MYCBPAP: variants seen among roughly 807,000 people sequenced by gnomAD.
MYCBPAP encodes the protein MYCBP-associated protein.
In MYCBPAP, 60 loss-of-function variants were observed where a neutral mutation model predicts 106.1. The ratio of observed to expected loss-of-function variants is 0.57; its 90% CI spans 0.46 to 0.70. MYCBPAP has a LOEUF of 0.70. MYCBPAP is among the 30% of genes least tolerant of loss of function. The probability of loss-of-function intolerance (pLI) is 0.00; values close to 1 mark genes in which losing one functional copy is unlikely to be tolerated. For missense variants in MYCBPAP, 1,064 were observed against 1,169.3 expected (o/e 0.91, Z 1.31); for synonymous variants, 407 against 440.6 (o/e 0.92, Z 0.95).
chr17:50,526,615 CT>C (rs1209396139), intron 14 of MYCBPAP, among the ~76,000 whole-genome samples: 1 of 151,240 alleles, frequency 6.6e-6, no homozygotes, highest in Non-Finnish European at 1.5e-5. Context: ...TGGAATCTTG[CT>C]GTGTTGCCCA....
Position 50,531,383 on chromosome 17 carries a change from C to T in MYCBPAP, c.2781C>T (p.Leu927=). The change falls in exon 19 of 19, where the codon CTC becomes CTT. Residue 927 remains leucine (L), a synonymous_variant. Coordinates refer to ENST00000323776, the MANE Select transcript of MYCBPAP (RefSeq NM_032133.6). ...ACCTGATGGTCCTGGCTGATGAGCT[C>T]AGCCCCATAAAGAATGTCGAGGAGG... The part of the protein sequence containing the change: ...VTDLMVLADE[L]SPIKNVEEAL... 1 of 1,613,736 alleles carries T rather than the reference C, an allele frequency of 6.2e-7. No individual in the cohort carries two copies. Among genetic ancestry groups the T allele is most frequent in the South Asian group, 1.1e-5 (1 of 90,914 alleles).
intron 18 of MYCBPAP, 71 bp downstream of exon 18, chr17:50,529,259 C>A (rs771952355): frequency 7.8e-6 from 11 of 1,404,910 alleles, no homozygotes; most frequent in Non-Finnish European, 1.1e-5. Context: ...AGTCTGCAGA[C>A]AATAAGTGCC....
intron 1 of MYCBPAP, among the ~76,000 whole-genome samples, chr17:50,515,423 G>A (rs1364020644): frequency 1.3e-5 from 2 of 152,062 alleles, no homozygotes; most frequent in Admixed American, 6.5e-5. Context: ...GCAATAAATG[G>A]CCAGTGGTGA....
chr17:50,508,708 A>G lies in MYCBPAP; in HGVS notation c.34A>G (p.Ile12Val), dbSNP rs1441567949. The change falls in exon 1 of 19, where the codon ATA (isoleucine) becomes GTA (valine). Residue 12 changes from isoleucine (I) to valine (V), a missense_variant. Coordinates refer to ENST00000323776, the MANE Select transcript of MYCBPAP (RefSeq NM_032133.6). ...KSLKKDSRLR[I>V]TPTRLLEASE... Reference sequence around the variant, plus strand: ...TCTAAAGAAGGATTCCCGCCTCAGAATAACTCCGACCAGATTATTAGAGGC... The same window carrying G: ...TCTAAAGAAGGATTCCCGCCTCAGAGTAACTCCGACCAGATTATTAGAGGC... 3.1e-6 allele frequency: 5 copies of G among 1,612,004 alleles called. No homozygotes were observed. Among genetic ancestry groups the G allele is most frequent in the Middle Eastern group, 3.3e-4 (2 of 6,054 alleles).
chr17:50,524,847 T>A lies in MYCBPAP; in HGVS notation c.1636-30T>A, dbSNP rs773250129. ...ATGCATTGGTTTTGATAGCCTGGGCTGCCATCCTCTGCCACCTTCCCTTTT... is the reference window on the plus strand; with the variant it reads ...ATGCATTGGTTTTGATAGCCTGGGCAGCCATCCTCTGCCACCTTCCCTTTT... On this transcript the variant is annotated intron_variant, in intron 12 of 18. Coordinates refer to ENST00000323776, the MANE Select transcript of MYCBPAP (RefSeq NM_032133.6). 1.7e-5 allele frequency: 28 copies of A among 1,607,366 alleles called. 1 individual carries two copies. The Admixed American group carries it at 4.5e-4, about 26-fold the overall frequency.
chr17:50,525,672 G>T lies in MYCBPAP; in HGVS notation c.1783-209G>T, dbSNP rs1256247925. 3.4e-5 allele frequency among the ~76,000 whole-genome samples: 1 copy of T among 29,762 alleles called. No homozygotes were observed. Among genetic ancestry groups the T allele is most frequent in the Non-Finnish European group, 7.2e-5 (1 of 13,908 alleles). 19.5% of individuals were successfully genotyped at this position (29,762 alleles called of 152,430 possible). On this transcript the variant is annotated intron_variant, in intron 13 of 18. Transcript: ENST00000323776. ...CAGCTAATTTCTCTTTTTTTTTTTG[G>T]TAGAGATAGGATCACTCTATGTCAT... is the stretch of plus-strand genomic sequence containing the variant.
chr17:50,522,130 C>T, intron 10 of MYCBPAP, 49 bp downstream of exon 10: 8 of 1,517,086 alleles, frequency 5.3e-6, no homozygotes, highest in Non-Finnish European at 7.3e-6. Context: ...CTCAGGGGTG[C>T]AGCCCTGAGG....
At chr17:50,521,511 C>A in intron 9 of MYCBPAP, 80 bp downstream of exon 9, 1 of 1,114,866 alleles carries the variant, frequency 9.0e-7, no homozygotes, top group Non-Finnish European at 1.3e-6. Context: ...GGCTTCCCTC[C>A]CTGAGATCAG....
chr17:50,520,593 T>A (rs1211666431), intron 7 of MYCBPAP, among the ~76,000 whole-genome samples: 1 of 152,220 alleles, frequency 6.6e-6, no homozygotes, highest in Non-Finnish European at 1.5e-5. Flanking sequence ...CCTTTTTCAG[T>A]GTGGCATCTA....
intron 9 of MYCBPAP, 54 bp from the exon 10 acceptor site, chr17:50,521,919 C>A: frequency 1.3e-6 from 2 of 1,542,010 alleles, no homozygotes; most frequent in Non-Finnish European, 1.8e-6. Context: ...TGGGGTTCCA[C>A]ATGGCATGAC....
intron 12 of MYCBPAP, among the ~76,000 whole-genome samples, chr17:50,524,089 G>A (rs1337461659): frequency 1.3e-5 from 2 of 152,222 alleles, no homozygotes; most frequent in Admixed American, 6.5e-5. Context: ...CCTATGTACT[G>A]GTCTGTGTTT....
At position 50,508,698 on chromosome 17, in the gene MYCBPAP, C is replaced by T; in HGVS notation, c.24C>T (p.Ser8=). 6.2e-7 allele frequency: 1 copy of T among 1,611,422 alleles called. No individual in the cohort carries two copies. Among genetic ancestry groups the T allele is most frequent in the Non-Finnish European group, 8.5e-7 (1 of 1,178,720 alleles). The change falls in exon 1 of 19, where the codon TCC becomes TCT. Residue 8 remains serine (S), a synonymous_variant. Coordinates refer to ENST00000323776, the MANE Select transcript of MYCBPAP (RefSeq NM_032133.6). Reference sequence around the variant, plus strand: ...CCATGAAGTCTCTAAAGAAGGATTCCCGCCTCAGAATAACTCCGACCAGAT... The same window carrying T: ...CCATGAAGTCTCTAAAGAAGGATTCTCGCCTCAGAATAACTCCGACCAGAT... The part of the protein sequence containing the change: MKSLKKD[S]RLRITPTRLL...
intron 7 of MYCBPAP, chr17:50,520,023 A>C (rs1228205803): frequency 2.1e-6 from 1 of 473,908 alleles, no homozygotes. Context: ...GCTGCCGTCC[A>C]GTGTGGAGCC....
intron 7 of MYCBPAP, 163 bp downstream of exon 7, chr17:50,519,950 C>T: frequency 2.8e-6 from 2 of 711,646 alleles, no homozygotes; most frequent in Non-Finnish European, 4.4e-6. Flanking sequence ...TGAAGTCCGG[C>T]TCCCTCTTCT....
chr17:50,518,444 TGG>T (rs2034132594), intron 4 of MYCBPAP, 95 bp from the exon 5 acceptor site: 2 of 1,080,210 alleles, frequency 1.9e-6, no homozygotes, highest in South Asian at 4.1e-5. Flanking sequence ...CTCAGCGCAG[TGG>T]GATAACAGCA....
Position 50,527,419 on chromosome 17 carries a change from T to TGCCAGGAGAGCTGCCCC in MYCBPAP, c.2291+12_2291+28dup, listed in dbSNP as rs2034497382. The TGCCAGGAGAGCTGCCCC allele has an allele frequency of 6.2e-7, 1 of 1,613,678 alleles. No individual in the cohort carries two copies. Among genetic ancestry groups the TGCCAGGAGAGCTGCCCC allele is most frequent in the Non-Finnish European group, 8.5e-7 (1 of 1,179,796 alleles). ...CCTGCACCAGATGTGGTAGGTGCCC[T>TGCCAGGAGAGCTGCCCC]GCCAGGAGAGCTGCCCCATCTCCTT... On this transcript the variant is annotated intron_variant, in intron 15 of 18. Coordinates refer to ENST00000323776, the MANE Select transcript of MYCBPAP (RefSeq NM_032133.6).
Position 50,521,311 on chromosome 17 carries a change from C to T in MYCBPAP, c.1033-5C>T, listed in dbSNP as rs374593466. 22 of 1,597,874 alleles carry T rather than the reference C, an allele frequency of 1.4e-5. 1 individual carries two copies. Among genetic ancestry groups the T allele is most frequent in the South Asian group, 5.7e-5 (5 of 88,478 alleles). ...GCTCATCTTACCTTTCTCCATCTCT[C>T]GGAGGATATTGATGGCCTGGAGGTG... On this transcript the variant is annotated splice_region_variant and splice_polypyrimidine_tract_variant and intron_variant, in intron 8 of 18. Transcript: ENST00000323776.
In MYCBPAP at chr17:50,523,885, G is replaced by A. The variant is rs190772184; in HGVS notation, c.1635+101G>A. 3.1e-5 allele frequency: 38 copies of A among 1,214,798 alleles called. No individual in the cohort carries two copies. The East Asian group carries it at 5.5e-4, about 18-fold the overall frequency. 75.3% of individuals were successfully genotyped at this position (1,214,798 alleles called of 1,614,324 possible). A position where few individuals can be genotyped will look rare whatever the true frequency, so the allele number is the denominator to read the frequency against. On this transcript the variant is annotated intron_variant, in intron 12 of 18. Transcript: ENST00000323776. ...GGATCATATTTCTCCCAGCCTAAGA[G>A]GAGAATTGGATTTTTAGCAAACAGG...
At position 50,523,637 on chromosome 17, in the gene MYCBPAP, C is replaced by T; in HGVS notation, c.1488C>T (p.Phe496=). The stretch of plus-strand genomic sequence containing the variant: ...GAGAAATTAAAACATTTACCTTCTT[C>T]TTCAAGTCTTTGACTGCTGGGGTCT... The part of the protein sequence containing the change: ...LPGEIKTFTF[F]FKSLTAGVFR... The change falls in exon 12 of 19, where the codon TTC becomes TTT. Residue 496 remains phenylalanine, a synonymous_variant. Coordinates refer to ENST00000323776, the MANE Select transcript of MYCBPAP (RefSeq NM_032133.6). 6.2e-7 allele frequency: 1 copy of T among 1,614,222 alleles called. No homozygotes were observed. The highest frequency in any genetic ancestry group is 1.3e-5 in the African/African-American group (1 of 75,070).
Sources: allele counts gnomAD v4.1 joint callset (sites outside exome capture counted in the v4.1 genomes callset), GRCh38; gene constraint gnomAD v4.1.1; transcripts MANE v1.5; gene names NCBI Gene and HGNC (gene_info 2026-07-23, HGNC 2026-07-21).